Variants in GMPS observed in about 807,000 individuals in gnomAD.
GMPS encodes the protein GMP synthase [glutamine-hydrolyzing].
In GMPS, 15 loss-of-function variants were observed where a neutral mutation model predicts 77.9. That is an observed-to-expected ratio of 0.19 (90% confidence interval 0.13 to 0.30). The LOEUF (loss-of-function observed/expected upper bound fraction) is 0.30, where lower values mean the gene tolerates loss of function less well. Ranked by LOEUF, GMPS falls within the 10% of genes least tolerant of loss-of-function variation. GMPS has a pLI of 1.00. For missense variants in GMPS, 590 were observed against 838.8 expected (o/e 0.70, Z 3.66); for synonymous variants, 224 against 275.9 (o/e 0.81, Z 1.86).
chr3:155,916,133 G>A lies in GMPS; in HGVS notation c.1153G>A (p.Ala385Thr), dbSNP rs768312329. ...TGCATCCCTTGTTGCAAGTGGCAAA[G>A]CTGAACTCATCAAAACCCATCACAA... ...ESASLVASGK[A>T]ELIKTHHNDT... is the part of the protein sequence containing the mutation. Residue 385 changes from alanine (A) to threonine (T), a missense_variant, in exon 9 of 16, where the codon GCT becomes ACT. By Grantham distance (58) the Ala-to-Thr change is moderately conservative. Coordinates refer to ENST00000496455, the MANE Select transcript of GMPS (RefSeq NM_003875.3). 1.2e-6 allele frequency: 2 copies of A among 1,613,548 alleles called. No individual in the cohort carries two copies. Among genetic ancestry groups the A allele is most frequent in the African/African-American group, 2.7e-5 (2 of 74,880 alleles).
chr3:155,907,530 G>A (rs1412117908), intron 5 of GMPS, among the ~76,000 whole-genome samples: 1 of 152,032 alleles, frequency 6.6e-6, no homozygotes, highest in Non-Finnish European at 1.5e-5. Context: ...TCATGACTGC[G>A]GTGAGCTGTG....
chr3:155,934,343 A>G (rs1317507843), intron 13 of GMPS, among the ~76,000 whole-genome samples: 1 of 152,216 alleles, frequency 6.6e-6, no homozygotes, highest in African/African-American at 2.4e-5. Context: ...TGGCAGGGTC[A>G]TATTCTCTCT....
intron 10 of GMPS, among the ~76,000 whole-genome samples, chr3:155,921,700 G>A (rs1755320572): frequency 6.6e-6 from 1 of 152,110 alleles, no homozygotes. Flanking sequence ...GCTGAGGTGG[G>A]AAGACTGCTT....
At chr3:155,922,330 A>C in intron 11 of GMPS, 28 bp downstream of exon 11, 1 of 864,154 alleles carries the variant, frequency 1.2e-6, no homozygotes, top group Non-Finnish European at 1.8e-6. Context: ...TAATCATTAC[A>C]AGAAATTGAA....
intron 1 of GMPS, among the ~76,000 whole-genome samples, chr3:155,884,172 G>A (rs1331462473): frequency 6.6e-6 from 1 of 151,274 alleles, no homozygotes; most frequent in East Asian, 1.9e-4. Flanking sequence ...GATCACCTGA[G>A]GTCAGGAGTT....
intron 9 of GMPS, among the ~76,000 whole-genome samples, chr3:155,916,949 T>C (rs1335965332): frequency 1.3e-5 from 2 of 151,900 alleles, no homozygotes; most frequent in Non-Finnish European, 2.9e-5. Flanking sequence ...AAAAAACACA[T>C]AACATAAAGC....
At chr3:155,898,771 A>T (rs1447778128) in intron 3 of GMPS, among the ~76,000 whole-genome samples, 1 of 152,198 alleles carries the variant, frequency 6.6e-6, no homozygotes, top group Non-Finnish European at 1.5e-5. Context: ...CAGGAGTATC[A>T]CAGAATTGGT....
chr3:155,877,843 G>A (rs1754090106), intron 1 of GMPS, among the ~76,000 whole-genome samples: 3 of 146,452 alleles, frequency 2.0e-5, no homozygotes, highest in African/African-American at 7.6e-5. Context: ...GTACAGTGGC[G>A]CGATCTCAGC....
intron 13 of GMPS, among the ~76,000 whole-genome samples, chr3:155,932,503 T>C (rs1009899468): frequency 6.6e-6 from 1 of 152,242 alleles, no homozygotes; most frequent in East Asian, 1.9e-4. Context: ...CTTCTTACAT[T>C]GGATATATCA....
At chr3:155,902,591 T>A (rs1754760178) in intron 3 of GMPS, among the ~76,000 whole-genome samples, 1 of 152,232 alleles carries the variant, frequency 6.6e-6, no homozygotes, top group African/African-American at 2.4e-5. Context: ...AAATAGTTGC[T>A]ACAGACACAG....
rs750962842 is a variant in GMPS, at chr3:155,925,226, T to G, written c.1435-15T>G. On this transcript the variant is annotated splice_polypyrimidine_tract_variant and intron_variant, in intron 11 of 15. Transcript: ENST00000496455. ...TTTCTTAAAACTGAAAAAATGCCTCTTTGGTTTTTCTCAGCCACATACCCT... is the reference window on the plus strand; with the variant it reads ...TTTCTTAAAACTGAAAAAATGCCTCGTTGGTTTTTCTCAGCCACATACCCT... 1.3e-6 allele frequency: 2 copies of G among 1,598,560 alleles called. No homozygotes were observed. Among genetic ancestry groups the G allele is most frequent in the Non-Finnish European group, 1.7e-6 (2 of 1,174,418 alleles).
Position 155,938,556 on chromosome 3 carries a change from C to A in GMPS, c.*864C>A, listed in dbSNP as rs1292059482. 1 of 206,350 alleles carries A rather than the reference C, an allele frequency of 4.8e-6. No individual in the cohort carries two copies. Among genetic ancestry groups the A allele is most frequent in the Non-Finnish European group, 9.9e-6 (1 of 100,974 alleles). 12.8% of individuals were successfully genotyped at this position (206,350 alleles called of 1,614,324 possible). A position where few individuals can be genotyped will look rare whatever the true frequency, so the allele number is the denominator to read the frequency against. On this transcript the variant is annotated 3_prime_UTR_variant, in exon 16 of 16. Coordinates refer to ENST00000496455, the MANE Select transcript of GMPS (RefSeq NM_003875.3). ...GTCAAGAGGAGCATTTTCATCTCTT[C>A]TTTTGCTGGTCAGAGAAACGGTTCT... is the stretch of plus-strand genomic sequence containing the variant.
rs890307033 is a variant in GMPS at position 155,936,523 on chromosome 3, T to A, written c.1980+13T>A. The A allele has an allele frequency of 3.9e-6, 6 of 1,530,912 alleles. No homozygotes were observed. In the African/African-American group the frequency reaches 8.2e-5, roughly 21 times the overall value. 94.8% of individuals were successfully genotyped at this position (1,530,912 alleles called of 1,614,324 possible). ...GATCCCTGTAGAGGTAATTTATATA[T>A]TTTTTTCTAATGCACGTTCTCAGTA... On this transcript the variant is annotated intron_variant, in intron 15 of 15. Transcript: ENST00000496455.
intron 1 of GMPS, among the ~76,000 whole-genome samples, chr3:155,879,214 C>T (rs888071449): frequency 2.1e-4 from 31 of 150,982 alleles, no homozygotes; most frequent in African/African-American, 6.6e-4. Context: ...TGGTCAAGTT[C>T]GTACCTGAAA....
At chr3:155,898,507 A>G (rs1754655118) in intron 3 of GMPS, among the ~76,000 whole-genome samples, 1 of 152,200 alleles carries the variant, frequency 6.6e-6, no homozygotes, top group Non-Finnish European at 1.5e-5. Context: ...AATCTAATCC[A>G]CAGACTCCTT....
intron 1 of GMPS, among the ~76,000 whole-genome samples, chr3:155,879,265 CTTTT>C (rs370727242): frequency 8.2e-6 from 1 of 122,650 alleles, no homozygotes; most frequent in Non-Finnish European, 1.7e-5. Context: ...CTGCACTTGT[CTTTT>C]TTTTTTTTTT....
At chr3:155,898,108 A>G in intron 3 of GMPS, 67 bp downstream of exon 3, 3 of 819,002 alleles carry the variant, frequency 3.7e-6, no homozygotes, top group Non-Finnish European at 6.6e-6. Flanking sequence ...ATACTGTATT[A>G]GTATTTTCTC....
chr3:155,913,510 A>G (rs1001196778), intron 7 of GMPS, among the ~76,000 whole-genome samples: 6 of 143,730 alleles, frequency 4.2e-5, no homozygotes, highest in Admixed American at 3.0e-4. Flanking sequence ...GAGAGGGAAA[A>G]CAATCAGCAT....
intron 10 of GMPS, among the ~76,000 whole-genome samples, chr3:155,919,981 G>A (rs1270742116): frequency 1.3e-5 from 2 of 152,198 alleles, no homozygotes; most frequent in African/African-American, 4.8e-5. Context: ...GTGATTAGGG[G>A]ATGATTTGGG....
Sources: gnomAD v4.1 joint callset for allele counts (sites outside exome capture counted in the v4.1 genomes callset) on GRCh38, gnomAD v4.1.1 for gene constraint, MANE v1.5 for transcripts, NCBI Gene and HGNC (gene_info 2026-07-23, HGNC 2026-07-21) for gene names.